Variants in OAF observed in about 807,000 individuals in gnomAD.
OAF encodes out at first protein homolog.
In OAF, 13 loss-of-function variants were observed where a neutral mutation model predicts 22.5. The ratio of observed to expected loss-of-function variants is 0.58; its 90% CI spans 0.38 to 0.92. OAF has a LOEUF of 0.92. OAF is among the 40% of genes least tolerant of loss of function. OAF has a pLI of 0.00. For synonymous variants in OAF, 175 were observed against 170.5 expected (o/e 1.03, Z -0.21); for missense variants, 347 against 381.8 (o/e 0.91, Z 0.76).
intron 1 of OAF, among the ~76,000 whole-genome samples, chr11:120,224,008 G>A (rs1449553665): frequency 6.6e-6 from 1 of 152,202 alleles, no homozygotes; most frequent in Admixed American, 6.5e-5. Flanking sequence ...GATAGCCCAG[G>A]CTGGCAGGAC....
intron 2 of OAF, 43 bp from the exon 3 acceptor site, chr11:120,226,773 G>A (rs1048277657): frequency 6.5e-7 from 1 of 1,532,802 alleles, no homozygotes; most frequent in Non-Finnish European, 8.9e-7. Flanking sequence ...TGGACAGGGA[G>A]CATTCTGAAG....
chr11:120,228,359 G>A (rs1317409505), intron 3 of OAF, among the ~76,000 whole-genome samples: 1 of 152,140 alleles, frequency 6.6e-6, no homozygotes, highest in Non-Finnish European at 1.5e-5. Context: ...TGGGATTACA[G>A]GCATGAGCCA....
At position 120,229,383 on chromosome 11, in the gene OAF, G is replaced by T; in HGVS notation, c.*241G>T. 3.7e-6 allele frequency: 1 copy of T among 271,136 alleles called. No individual in the cohort carries two copies. The highest frequency in any genetic ancestry group is 6.4e-6 in the Non-Finnish European group (1 of 156,852). 16.8% of individuals were successfully genotyped at this position (271,136 alleles called of 1,614,324 possible). On this transcript the variant is annotated 3_prime_UTR_variant, in exon 4 of 4. Transcript: ENST00000328965. Reference sequence around the variant, plus strand: ...TCCTTGCGGGCAGAGAGGGAGAGAAGGGCTCCCCAGATCTACACCCCTCCC... The same window carrying T: ...TCCTTGCGGGCAGAGAGGGAGAGAATGGCTCCCCAGATCTACACCCCTCCC...
At chr11:120,228,500 G>A (rs924624406) in intron 3 of OAF, among the ~76,000 whole-genome samples, 14 of 152,150 alleles carry the variant, frequency 9.2e-5, no homozygotes, top group African/African-American at 3.4e-4. Context: ...GTGGTCTAGT[G>A]GAGGCCTTGA....
intron 1 of OAF, among the ~76,000 whole-genome samples, chr11:120,214,383 A>G (rs1258630980): frequency 2.6e-5 from 4 of 152,246 alleles, no homozygotes; most frequent in African/African-American, 9.6e-5. Flanking sequence ...TGGCTCACAC[A>G]GCATTTCAGC....
chr11:120,228,821 T>TACCAACCAAAACA, intron 3 of OAF, 47 bp from the exon 4 acceptor site: 1 of 520,278 alleles, frequency 1.9e-6, no homozygotes, highest in African/African-American at 2.0e-5. Flanking sequence ...GGGAGCTCCT[T>TACCAACCAAAACA]CCCTCCCTCC....
intron 1 of OAF, among the ~76,000 whole-genome samples, chr11:120,216,315 A>G (rs1335281646): frequency 6.6e-6 from 1 of 152,154 alleles, no homozygotes; most frequent in Non-Finnish European, 1.5e-5. Flanking sequence ...TAGATGTGGG[A>G]CCGAGAAGCT....
intron 1 of OAF, among the ~76,000 whole-genome samples, chr11:120,219,658 G>A (rs1938256648): frequency 1.3e-5 from 2 of 152,182 alleles, no homozygotes; most frequent in Non-Finnish European, 2.9e-5. Context: ...ATGGGCACAG[G>A]GAGGAATTGA....
rs1445965174 is a variant in OAF at position 120,229,884 on chromosome 11, T to G, written c.*742T>G. On this transcript the variant is annotated 3_prime_UTR_variant, in exon 4 of 4. Transcript: ENST00000328965. ...ACGAGGAAAACTTGAATTCCAGATTTTTAGTGCAAAGTATTTATCATTTCT... is the reference window on the plus strand; with the variant it reads ...ACGAGGAAAACTTGAATTCCAGATTGTTAGTGCAAAGTATTTATCATTTCT... 1.3e-5 allele frequency: 2 copies of G among 152,640 alleles called. No homozygotes were observed. The highest frequency in any genetic ancestry group is 4.8e-5 in the African/African-American group (2 of 41,468). The allele number at this position is 152,640 out of a possible 1,614,324, so 9.5% of individuals were successfully genotyped here. A position where few individuals can be genotyped will look rare whatever the true frequency, so the allele number is the denominator to read the frequency against.
At chr11:120,220,156 C>T (rs1938262190) in intron 1 of OAF, among the ~76,000 whole-genome samples, 1 of 152,180 alleles carries the variant, frequency 6.6e-6, no homozygotes, top group African/African-American at 2.4e-5. Flanking sequence ...AAGGCACTCT[C>T]ACAACCTCAG....
chr11:120,225,831 T>C (rs1277846188), intron 2 of OAF, 36 bp downstream of exon 2: 2 of 1,576,766 alleles, frequency 1.3e-6, no homozygotes, highest in African/African-American at 1.4e-5. Flanking sequence ...GCCCAGGTCC[T>C]GACCCGCAGC....
In OAF at chr11:120,213,081, A is replaced by G. The variant is rs1420570836; in HGVS notation, c.231+1571A>G. Among the ~76,000 whole-genome samples, 3 of 151,904 alleles carry G rather than the reference A, an allele frequency of 2.0e-5. No individual in the cohort carries two copies. In the East Asian group the frequency reaches 5.8e-4, roughly 29 times the overall value. ...AGGCTCCCAACCCCCTGCCCACTGGATGTCATCTTGTGGCTGCACTAGAAT... is the reference window on the plus strand; with the variant it reads ...AGGCTCCCAACCCCCTGCCCACTGGGTGTCATCTTGTGGCTGCACTAGAAT... On this transcript the variant is annotated intron_variant, in intron 1 of 3. Coordinates refer to ENST00000328965, the MANE Select transcript of OAF (RefSeq NM_178507.4).
rs758705099 is a variant in OAF, at chr11:120,211,314, C to CGCTGCTGCT, written c.44_52dup (p.Leu15_Leu17dup). 19 of 1,367,348 alleles carry CGCTGCTGCT rather than the reference C, an allele frequency of 1.4e-5. No homozygotes were observed. The highest frequency in any genetic ancestry group is 1.2e-4 in the African/African-American group (8 of 65,532). 84.7% of individuals were successfully genotyped at this position (1,367,348 alleles called of 1,614,324 possible). ...CCCGGGGTACCCCTGGCGCGCCCTGCGCTGCTGCTGCTGCTGCCGCTGCTC... is the reference window on the plus strand; with the variant it reads ...CCCGGGGTACCCCTGGCGCGCCCTGCGCTGCTGCTGCTGCTGCTGCTGCTGCCGCTGCTC... On this transcript the variant is annotated inframe_insertion, in exon 1 of 4. Transcript: ENST00000328965.
chr11:120,214,286 A>C (rs1002259180), intron 1 of OAF, among the ~76,000 whole-genome samples: 1 of 152,198 alleles, frequency 6.6e-6, no homozygotes, highest in African/African-American at 2.4e-5. Context: ...CACATATCCC[A>C]CAGTTAGTAG....
intron 3 of OAF, 47 bp from the exon 4 acceptor site, chr11:120,228,821 T>TGCCAGG: frequency 1.3e-5 from 7 of 520,278 alleles, no homozygotes; most frequent in Non-Finnish European, 2.2e-5. Context: ...GGGAGCTCCT[T>TGCCAGG]CCCTCCCTCC....
Position 120,226,975 on chromosome 11 carries a change from G to C in OAF, c.526G>C (p.Val176Leu). ...VDAIYTRQED[V>L]RFWLEQGVDS... ...TGCCATCTACACCCGCCAGGAGGATGTCCGGTTCTGGCTGGAGCAAGGTCA... is the reference window on the plus strand; with the variant it reads ...TGCCATCTACACCCGCCAGGAGGATCTCCGGTTCTGGCTGGAGCAAGGTCA... Residue 176 changes from valine to leucine, a missense_variant, in exon 3 of 4, where the codon GTC (valine) becomes CTC (leucine). Val to Leu is a conservative substitution (Grantham distance 32). Transcript: ENST00000328965. The C allele has an allele frequency of 6.2e-7, 1 of 1,600,044 alleles. No homozygotes were observed. Among genetic ancestry groups the C allele is most frequent in the Non-Finnish European group, 8.6e-7 (1 of 1,168,798 alleles).
intron 1 of OAF, among the ~76,000 whole-genome samples, chr11:120,219,287 A>C (rs1251738994): frequency 6.6e-6 from 1 of 152,150 alleles, no homozygotes; most frequent in African/African-American, 2.4e-5. Flanking sequence ...ACTGAGACCC[A>C]GCTTGTCTGT....
chr11:120,225,021 C>T (rs1466896912), intron 1 of OAF, among the ~76,000 whole-genome samples: 2 of 152,160 alleles, frequency 1.3e-5, no homozygotes, highest in African/African-American at 4.8e-5. Flanking sequence ...CCATTAGCGA[C>T]CCCATGGGGG....
Position 120,211,314 on chromosome 11 carries a change from CGCTGCT to C in OAF, c.47_52del (p.Leu16_Leu17del). On this transcript the variant is annotated inframe_deletion, in exon 1 of 4. Transcript: ENST00000328965. ...CCCGGGGTACCCCTGGCGCGCCCTGCGCTGCTGCTGCTGCTGCCGCTGCTCGCGCCG... is the reference window on the plus strand; with the variant it reads ...CCCGGGGTACCCCTGGCGCGCCCTGCGCTGCTGCTGCCGCTGCTCGCGCCG... 1 of 1,367,322 alleles carries C rather than the reference CGCTGCT, an allele frequency of 7.3e-7. No homozygotes were observed. Among genetic ancestry groups the C allele is most frequent in the Admixed American group, 3.5e-5 (1 of 28,294 alleles). 84.7% of individuals were successfully genotyped at this position (1,367,322 alleles called of 1,614,324 possible).
Sources: gnomAD v4.1 joint callset for allele counts (sites outside exome capture counted in the v4.1 genomes callset) on GRCh38, gnomAD v4.1.1 for gene constraint, MANE v1.5 for transcripts, NCBI Gene and HGNC (gene_info 2026-07-23, HGNC 2026-07-21) for gene names.